PXDNL: variants seen among roughly 807,000 people sequenced by gnomAD.
PXDNL encodes probable oxidoreductase PXDNL.
A neutral mutation model predicts 150.8 loss-of-function variants in PXDNL; 145 were observed. The ratio of observed to expected loss-of-function variants is 0.96; its 90% CI spans 0.84 to 1.10. PXDNL has a LOEUF of 1.10. Among genes scored for constraint, PXDNL ranks in the 50% least tolerant of loss-of-function variants. PXDNL has a pLI of 0.00. For synonymous variants in PXDNL, 757 were observed against 725.7 expected (o/e 1.04, Z -0.69); for missense variants, 2,087 against 1,873.9 (o/e 1.11, Z -2.10).
chr8:51,794,788 AG>A (rs760388618), intron 1 of PXDNL, among the ~76,000 whole-genome samples: 2 of 152,228 alleles, frequency 1.3e-5, no homozygotes, highest in Non-Finnish European at 2.9e-5. Context: ...TCATGATGAC[AG>A]GATCAAATTC....
chr8:51,695,441 A>G (rs562041897), intron 1 of PXDNL, among the ~76,000 whole-genome samples: 1 of 152,200 alleles, frequency 6.6e-6, no homozygotes, highest in Admixed American at 6.5e-5. Flanking sequence ...TATCAGGGAG[A>G]CAGATCAGAG....
intron 17 of PXDNL, among the ~76,000 whole-genome samples, chr8:51,385,633 T>G (rs1291946043): frequency 6.6e-6 from 1 of 152,206 alleles, no homozygotes; most frequent in Non-Finnish European, 1.5e-5. Flanking sequence ...AACTACGTTT[T>G]TATACCATGT....
intron 19 of PXDNL, among the ~76,000 whole-genome samples, chr8:51,355,281 A>G (rs942413159): frequency 3.9e-5 from 6 of 152,180 alleles, no homozygotes; most frequent in African/African-American, 1.4e-4. Flanking sequence ...TAGTTCACAA[A>G]CATAAGCACA....
chr8:51,753,033 T>C (rs1466227430), intron 1 of PXDNL, among the ~76,000 whole-genome samples: 1 of 152,222 alleles, frequency 6.6e-6, no homozygotes, highest in Non-Finnish European at 1.5e-5. Context: ...GCCGGTGCCA[T>C]TCGTCCTGCA....
At chr8:51,785,769 AG>A (rs2037455434) in intron 1 of PXDNL, among the ~76,000 whole-genome samples, 1 of 152,192 alleles carries the variant, frequency 6.6e-6, no homozygotes, top group African/African-American at 2.4e-5. Context: ...GAGAAAGAAC[AG>A]TATTGAAATT....
chr8:51,438,213 T>A lies in PXDNL; in HGVS notation c.1525+8791A>T, dbSNP rs180770390. On this transcript the variant is annotated intron_variant, in intron 12 of 22. Coordinates refer to ENST00000356297, the MANE Select transcript of PXDNL (RefSeq NM_144651.5). The stretch of plus-strand genomic sequence containing the variant: ...ATCCTGTGCTCATGAATGGGGAGAA[T>A]CAATATTGTGAAAATGACCATACTG... Among the ~76,000 whole-genome samples the A allele has an allele frequency of 1.6e-3, 238 of 152,054 alleles. 1 individual carries two copies. Among genetic ancestry groups the A allele is most frequent in the African/African-American group, 5.2e-3 (216 of 41,494 alleles).
chr8:51,730,387 A>C (rs1433079683), intron 1 of PXDNL, among the ~76,000 whole-genome samples: 1 of 152,202 alleles, frequency 6.6e-6, no homozygotes, highest in East Asian at 1.9e-4. Context: ...CATTCTATGA[A>C]TATATCATTG....
chr8:51,654,625 G>A (rs540668229), intron 2 of PXDNL, 64 bp downstream of exon 2: 95 of 1,228,772 alleles, frequency 7.7e-5, no homozygotes, highest in East Asian at 2.6e-4. Flanking sequence ...TGACTTTCAC[G>A]GTAAATTGCC....
At chr8:51,759,945 G>A (rs1261509198) in intron 1 of PXDNL, among the ~76,000 whole-genome samples, 2 of 152,180 alleles carry the variant, frequency 1.3e-5, no homozygotes, top group Non-Finnish European at 2.9e-5. Context: ...TTCAGGTGCT[G>A]TTTCTTGAGG....
chr8:51,726,147 G>A (rs949737504), intron 1 of PXDNL, among the ~76,000 whole-genome samples: 3 of 152,150 alleles, frequency 2.0e-5, no homozygotes, highest in African/African-American at 7.2e-5. Context: ...TATCTCTATT[G>A]CAGCTCTAAC....
At chr8:51,638,812 G>C (rs1389952124) in intron 2 of PXDNL, among the ~76,000 whole-genome samples, 1 of 152,056 alleles carries the variant, frequency 6.6e-6, no homozygotes, top group Non-Finnish European at 1.5e-5. Context: ...AGTTAAAAAG[G>C]ATATCCAGGA....
intron 4 of PXDNL, among the ~76,000 whole-genome samples, chr8:51,551,014 C>T (rs117230036): frequency 0.031 from 4,739 of 152,148 alleles, 108 homozygotes; most frequent in South Asian, 0.061. Flanking sequence ...TGCTATACAC[C>T]AACAGTGACC....
chr8:51,597,136 T>C (rs1436883985), intron 2 of PXDNL, among the ~76,000 whole-genome samples: 2 of 152,196 alleles, frequency 1.3e-5, no homozygotes, highest in Non-Finnish European at 2.9e-5. Flanking sequence ...TAGCCAGCTA[T>C]TCTAGCACCA....
At chr8:51,770,038 G>A (rs897528640) in intron 1 of PXDNL, among the ~76,000 whole-genome samples, 1 of 152,130 alleles carries the variant, frequency 6.6e-6, no homozygotes. Context: ...TATGACGCTT[G>A]ACTACATTCG....
chr8:51,723,954 G>C (rs1476580852), intron 1 of PXDNL, among the ~76,000 whole-genome samples: 1 of 152,126 alleles, frequency 6.6e-6, no homozygotes, highest in African/African-American at 2.4e-5. Context: ...GTAAGGCAGG[G>C]GTGGAGAAGA....
At chr8:51,566,590 A>G (rs1173126519) in intron 3 of PXDNL, among the ~76,000 whole-genome samples, 2 of 151,560 alleles carry the variant, frequency 1.3e-5, no homozygotes, top group Non-Finnish European at 2.9e-5. Flanking sequence ...TGCTAATAAT[A>G]CCCTTTTATT....
At chr8:51,481,142 G>C (rs939797117) in intron 6 of PXDNL, among the ~76,000 whole-genome samples, 2 of 152,318 alleles carry the variant, frequency 1.3e-5, no homozygotes, top group African/African-American at 4.8e-5. Context: ...ATGTGGGAAA[G>C]CTTGGAACCT....
intron 3 of PXDNL, among the ~76,000 whole-genome samples, chr8:51,574,391 T>C (rs1005392241): frequency 4.0e-5 from 6 of 151,324 alleles, no homozygotes; most frequent in Non-Finnish European, 8.8e-5. Context: ...AACATAGACA[T>C]TAAAATATAC....
intron 1 of PXDNL, among the ~76,000 whole-genome samples, chr8:51,748,995 G>T (rs759494793): frequency 1.3e-5 from 2 of 152,160 alleles, no homozygotes; most frequent in African/African-American, 2.4e-5. Context: ...ATTTGAAGGC[G>T]TAACTAGTGT....
Sources: gnomAD v4.1 joint callset for allele counts (sites outside exome capture counted in the v4.1 genomes callset) on GRCh38, gnomAD v4.1.1 for gene constraint, MANE v1.5 for transcripts, NCBI Gene and HGNC (gene_info 2026-07-23, HGNC 2026-07-21) for gene names.